Variants in ADCY3 observed in about 807,000 individuals in gnomAD.
The protein encoded by ADCY3 is adenylate cyclase 3.
Under a neutral mutation model 119.4 loss-of-function variants are expected in ADCY3, and 70 were observed. The ratio of observed to expected loss-of-function variants is 0.59; its 90% CI spans 0.48 to 0.72. The LOEUF is 0.72. Ranked by LOEUF, ADCY3 falls within the 30% of genes least tolerant of loss-of-function variation. ADCY3 has a pLI of 0.00. For synonymous variants in ADCY3, 672 were observed against 621.4 expected (o/e 1.08, Z -1.21); for missense variants, 1,238 against 1,541.6 (o/e 0.80, Z 3.30).
At chr2:24,904,097 A>C (rs1679201872) in intron 2 of ADCY3, among the ~76,000 whole-genome samples, 1 of 152,172 alleles carries the variant, frequency 6.6e-6, no homozygotes, top group Admixed American at 6.5e-5. Flanking sequence ...ATTAAGTGAA[A>C]GGCCATTGCC....
intron 2 of ADCY3, among the ~76,000 whole-genome samples, chr2:24,916,936 G>A (rs1664534088): frequency 6.6e-6 from 1 of 152,186 alleles, no homozygotes; most frequent in African/African-American, 2.4e-5. Flanking sequence ...CTCCCGTCCT[G>A]TTTCTGCCAC....
chr2:24,819,419 G>A lies in ADCY3; in HGVS notation c.*513C>T, dbSNP rs1440717484. The A allele has an allele frequency of 6.5e-6, 1 of 152,924 alleles. No homozygotes were observed. Among genetic ancestry groups the A allele is most frequent in the Non-Finnish European group, 1.5e-5 (1 of 68,308 alleles). 9.5% of individuals were successfully genotyped at this position (152,924 alleles called of 1,614,324 possible). On this transcript the variant is annotated 3_prime_UTR_variant, in exon 22 of 22. Coordinates refer to ENST00000679454, the MANE Select transcript of ADCY3 (RefSeq NM_004036.5). Reference sequence around the variant, plus strand: ...GCACTTTCTGTTCTCATGACTAAGGGGACAGGAGTTCCAGAAGAACCTTTC... The same window carrying A: ...GCACTTTCTGTTCTCATGACTAAGGAGACAGGAGTTCCAGAAGAACCTTTC...
At chr2:24,891,200 T>C (rs10164466) in intron 2 of ADCY3, among the ~76,000 whole-genome samples, 48,972 of 152,062 alleles carry the variant, frequency 0.32, 8,058 homozygotes, top group East Asian at 0.38. Context: ...TACAGTAGTC[T>C]CCCTTATCTG....
intron 2 of ADCY3, among the ~76,000 whole-genome samples, chr2:24,906,007 A>G (rs1468364962): frequency 6.6e-6 from 1 of 152,148 alleles, no homozygotes; most frequent in African/African-American, 2.4e-5. Flanking sequence ...TGTGAAGGCC[A>G]GCAGGTCTGA....
intron 9 of ADCY3, among the ~76,000 whole-genome samples, chr2:24,835,365 T>C (rs932423063): frequency 1.3e-5 from 2 of 152,150 alleles, no homozygotes; most frequent in African/African-American, 4.8e-5. Flanking sequence ...TTCAGGGAAC[T>C]GTTAAAGGAA....
At position 24,840,016 on chromosome 2, in the gene ADCY3, C is replaced by G. The variant is rs758798556; in HGVS notation, c.1212G>C (p.Lys404Asn). Residue 404 changes from lysine to asparagine, a missense_variant, in exon 7 of 22, where the codon AAG becomes AAC. This residue lies in a region of ADCY3 where 283 missense variants were observed against 437.2 expected (regional missense o/e 0.65). Coordinates refer to ENST00000679454, the MANE Select transcript of ADCY3 (RefSeq NM_004036.5). The stretch of plus-strand genomic sequence containing the variant: ...CACGCATGTCCACCCCAGTCTTGGT[C>G]TTCTCCCGCACATACCTGCCAGGTA... ...MVEAISYVRE[K>N]TKTGVDMRVG... is the part of the protein sequence containing the mutation. The G allele has an allele frequency of 1.8e-5, 29 of 1,612,532 alleles. No homozygotes were observed. Among genetic ancestry groups the G allele is most frequent in the African/African-American group, 1.3e-5 (1 of 74,944 alleles).
At chr2:24,875,077 G>A (rs1426509285) in intron 2 of ADCY3, among the ~76,000 whole-genome samples, 1 of 152,162 alleles carries the variant, frequency 6.6e-6, no homozygotes, top group Non-Finnish European at 1.5e-5. Context: ...CTGTTCACTC[G>A]ATAGAGCCTG....
chr2:24,907,861 G>A (rs1663064047), intron 2 of ADCY3, among the ~76,000 whole-genome samples: 1 of 151,728 alleles, frequency 6.6e-6, no homozygotes, highest in South Asian at 2.1e-4. Flanking sequence ...GGGTGTGGTG[G>A]TGAGCTCCTG....
chr2:24,857,803 C>T (rs1187923757), intron 3 of ADCY3, among the ~76,000 whole-genome samples: 1 of 152,048 alleles, frequency 6.6e-6, no homozygotes, highest in African/African-American at 2.4e-5. Context: ...AAAATTATAC[C>T]GACAAAATTT....
intron 2 of ADCY3, among the ~76,000 whole-genome samples, chr2:24,889,150 CCTTTT>C (rs898600373): frequency 1.3e-5 from 2 of 152,184 alleles, no homozygotes; most frequent in African/African-American, 4.8e-5. Context: ...TCCTACCTTC[CCTTTT>C]ATTTCTGTGT....
At chr2:24,823,461 T>G (rs1668092617) in intron 17 of ADCY3, 106 bp from the exon 18 acceptor site, 1 of 1,262,286 alleles carries the variant, frequency 7.9e-7, no homozygotes, top group Non-Finnish European at 1.1e-6. Flanking sequence ...CTCAGCTTTT[T>G]GGACTCACAC....
Position 24,834,570 on chromosome 2 carries a change from T to C in ADCY3, c.1882A>G (p.Lys628Glu). 1 of 1,613,170 alleles carries C rather than the reference T, an allele frequency of 6.2e-7. No individual in the cohort carries two copies. Among genetic ancestry groups the C allele is most frequent in the Non-Finnish European group, 8.5e-7 (1 of 1,179,776 alleles). Residue 628 changes from lysine (K) to glutamate (E), a missense_variant, in exon 11 of 22, where the codon AAG (lysine) becomes GAG (glutamate). By Grantham distance (56) the Lys-to-Glu change is moderately conservative. Around this residue, in one of 7 missense-constraint regions of ADCY3, gnomAD observed 499 missense variants for 571.0 expected, o/e 0.87. Transcript: ENST00000679454. The surrounding 1 kb of genome is among the most constrained non-coding windows in gnomAD (Gnocchi z 4.2). ...PEMETRYSVEKEKQSGAAFSC... is the reference protein window; with the variant it reads ...PEMETRYSVEEEKQSGAAFSC... ...AAGGCAGCCCCACTCTGCTTCTCCT[T>C]CTCCACCGAGTAGCGGGTTTCCATC... is the stretch of plus-strand genomic sequence containing the variant.
intron 3 of ADCY3, among the ~76,000 whole-genome samples, chr2:24,857,403 C>T (rs113644871): frequency 2.0e-5 from 3 of 152,392 alleles, no homozygotes; most frequent in African/African-American, 7.2e-5. Context: ...AGGGGCAAGC[C>T]ACCATCCTCT....
intron 3 of ADCY3, among the ~76,000 whole-genome samples, chr2:24,863,363 T>C (rs1353325617): frequency 6.6e-6 from 1 of 152,198 alleles, no homozygotes; most frequent in Non-Finnish European, 1.5e-5. Context: ...CTGTGCTGGA[T>C]GCATCCAGCT....
chr2:24,897,247 TCTCCTCCTCCCCCTTCTCCTC>T (rs916816840), intron 2 of ADCY3, among the ~76,000 whole-genome samples: 4 of 151,524 alleles, frequency 2.6e-5, no homozygotes, highest in Admixed American at 6.6e-5. Context: ...TTCTCCTTTT[TCTCCTCCTCCCCCTTCTCCTC>T]CTCCTCCTCC....
At chr2:24,907,086 G>C (rs538710450) in intron 2 of ADCY3, among the ~76,000 whole-genome samples, 1 of 151,928 alleles carries the variant, frequency 6.6e-6, no homozygotes, top group South Asian at 2.1e-4. Flanking sequence ...AGCCAGGATC[G>C]CACCACTGCA....
At position 24,827,915 on chromosome 2, in the gene ADCY3, A is replaced by G; in HGVS notation, c.2419T>C (p.Phe807Leu). The change falls in exon 14 of 22, where the codon TTT becomes CTT. Residue 807 changes from phenylalanine to leucine, a missense_variant. By Grantham distance (22) the Phe-to-Leu change is conservative (BLOSUM62 0). Coordinates refer to ENST00000679454, the MANE Select transcript of ADCY3 (RefSeq NM_004036.5). Reference protein sequence around the residue: ...PVFDEYDHKRFREHDLPMVAL... With the variant: ...PVFDEYDHKRLREHDLPMVAL... ...GCTTCATCTTACTCGTGCTCCCGAA[A>G]ACGCTTGTGGTCGTATTCATCAAAG... 6.2e-7 allele frequency: 1 copy of G among 1,614,120 alleles called. No homozygotes were observed. The highest frequency in any genetic ancestry group is 8.5e-7 in the Non-Finnish European group (1 of 1,180,024).
intron 3 of ADCY3, among the ~76,000 whole-genome samples, chr2:24,854,941 T>C (rs1672824346): frequency 6.6e-6 from 1 of 151,972 alleles, no homozygotes; most frequent in Non-Finnish European, 1.5e-5. Flanking sequence ...TACCAGCTGC[T>C]CAGGAGGCTG....
At chr2:24,821,790 G>A (rs1472179873) in intron 19 of ADCY3, 150 bp from the exon 20 acceptor site, 32 of 1,185,720 alleles carry the variant, frequency 2.7e-5, no homozygotes, top group South Asian at 6.0e-5. Context: ...TCGCAGCCAC[G>A]CTAGCTCTGA....
Sources: gnomAD v4.1 joint callset for allele counts (sites outside exome capture counted in the v4.1 genomes callset) on GRCh38, gnomAD v4.1.1 for gene constraint, gnomAD v4.1.1 regional missense constraint, Gnocchi (gnomAD v3.1) non-coding constraint, MANE v1.5 for transcripts, NCBI Gene and HGNC (gene_info 2026-07-23, HGNC 2026-07-21) for gene names.